The following PTPRT variants were observed in gnomAD, a reference collection of about 807,000 sequenced individuals.
PTPRT encodes protein tyrosine phosphatase receptor type T, also known as receptor-type tyrosine-protein phosphatase T.
PTPRT carries 56 observed loss-of-function variants against 176.8 expected under a neutral mutation model. That is an observed-to-expected ratio of 0.32 (90% confidence interval 0.26 to 0.40). The LOEUF is 0.40. Among genes scored for constraint, PTPRT ranks in the 10% least tolerant of loss-of-function variants. The pLI, the probability that PTPRT is intolerant of heterozygous loss-of-function variation, is 1.00. For missense variants in PTPRT, 1,540 were observed against 1,908.2 expected, an observed-to-expected ratio of 0.81 and a Z score of 3.60; for synonymous variants, 783 against 739.0, an observed-to-expected ratio of 1.06 and a Z score of -0.96.
chr20:43,071,678 G>A (rs369515678), intron 1 of PTPRT, among the ~76,000 whole-genome samples: 2 of 144,374 alleles, frequency 1.4e-5, no homozygotes, highest in Non-Finnish European at 2.9e-5. Flanking sequence ...CCAGCTACTC[G>A]GGAGGCTGAG....
chr20:42,846,622 A>G (rs899846288), intron 2 of PTPRT, among the ~76,000 whole-genome samples: 1 of 152,194 alleles, frequency 6.6e-6, no homozygotes, highest in African/African-American at 2.4e-5. Context: ...CATAGGGGAT[A>G]AAGTTTTAAT....
intron 16 of PTPRT, among the ~76,000 whole-genome samples, chr20:42,179,546 T>G (rs1990430059): frequency 6.6e-6 from 1 of 152,178 alleles, no homozygotes; most frequent in African/African-American, 2.4e-5. Flanking sequence ...AAACGCTAAT[T>G]AAGTGATAAT....
intron 26 of PTPRT, among the ~76,000 whole-genome samples, chr20:42,099,110 G>C (rs1484624718): frequency 6.6e-6 from 1 of 152,216 alleles, no homozygotes; most frequent in African/African-American, 2.4e-5. Flanking sequence ...GTAGACCTGG[G>C]GTTCAAGTAC....
At chr20:42,580,387 GC>G (rs1357108893) in intron 7 of PTPRT, among the ~76,000 whole-genome samples, 21 of 152,134 alleles carry the variant, frequency 1.4e-4, no homozygotes, top group African/African-American at 5.1e-4. Flanking sequence ...GGTGATGCGG[GC>G]TCTTTTTTGG....
At chr20:42,648,987 T>G (rs2145962331) in intron 7 of PTPRT, among the ~76,000 whole-genome samples, 1 of 151,922 alleles carries the variant, frequency 6.6e-6, no homozygotes, top group East Asian at 1.9e-4. Flanking sequence ...CCTGGCTAAT[T>G]TTTTCTATTT....
chr20:42,211,930 A>G (rs1048302356), intron 15 of PTPRT, among the ~76,000 whole-genome samples: 3 of 151,072 alleles, frequency 2.0e-5, no homozygotes, highest in African/African-American at 7.3e-5. Context: ...GGATTAAGAA[A>G]ATGTGGCCCA....
At chr20:43,147,074 A>G (rs1187394013) in intron 1 of PTPRT, among the ~76,000 whole-genome samples, 1 of 152,014 alleles carries the variant, frequency 6.6e-6, no homozygotes, top group South Asian at 2.1e-4. Flanking sequence ...TAGAGCTGGG[A>G]CCTCAGCCAA....
chr20:42,602,132 A>T (rs1394177227), intron 7 of PTPRT, among the ~76,000 whole-genome samples: 8 of 152,194 alleles, frequency 5.3e-5, no homozygotes, highest in African/African-American at 1.9e-4. Context: ...CATTTTTGGT[A>T]CAGAAATGTA....
intron 11 of PTPRT, among the ~76,000 whole-genome samples, chr20:42,349,320 AGCAT>A (rs2058242503): frequency 6.6e-6 from 1 of 152,182 alleles, no homozygotes; most frequent in African/African-American, 2.4e-5. Context: ...TCCCTGTTAT[AGCAT>A]GCTGTCTCTC....
At chr20:42,469,721 A>T (rs2071161398) in intron 8 of PTPRT, among the ~76,000 whole-genome samples, 1 of 150,428 alleles carries the variant, frequency 6.6e-6, no homozygotes, top group African/African-American at 2.4e-5. Context: ...CCCAAAGACC[A>T]GTGTGTGGGG....
chr20:42,963,872 G>GA (rs1442247220), intron 1 of PTPRT, among the ~76,000 whole-genome samples: 10 of 152,288 alleles, frequency 6.6e-5, no homozygotes, highest in Admixed American at 5.9e-4. Context: ...GAATATAATA[G>GA]AAAACCTAAT....
chr20:42,628,411 A>C (rs2074337405), intron 7 of PTPRT, among the ~76,000 whole-genome samples: 1 of 152,148 alleles, frequency 6.6e-6, no homozygotes, highest in South Asian at 2.1e-4. Flanking sequence ...CATTCAGTCC[A>C]TTATCCCTAT....
At chr20:42,107,681 G>A (rs910334295) in intron 23 of PTPRT, among the ~76,000 whole-genome samples, 10 of 152,224 alleles carry the variant, frequency 6.6e-5, no homozygotes, top group African/African-American at 2.2e-4. Context: ...AGTTTTGGAT[G>A]GGAAGGCCGG....
At chr20:42,099,565 G>GGGGGGC (rs1985714245) in intron 26 of PTPRT, among the ~76,000 whole-genome samples, 1 of 49,830 alleles carries the variant, frequency 2.0e-5, no homozygotes, top group African/African-American at 6.5e-5. Context: ...GGGGGGTGGG[G>GGGGGGC]TGGTCTGGCA....
the PTPRT span, among the ~76,000 whole-genome samples, chr20:42,054,672 T>C: frequency 6.6e-6 from 1 of 152,176 alleles, no homozygotes; most frequent in South Asian, 2.1e-4. Context: ...CTTCCCTACC[T>C]TCCATTCCAG....
intron 17 of PTPRT, among the ~76,000 whole-genome samples, chr20:42,154,393 G>T (rs765874482): frequency 6.6e-6 from 1 of 152,156 alleles, no homozygotes; most frequent in Non-Finnish European, 1.5e-5. Context: ...CTGCCTGCCT[G>T]CCATCACCCC....
chr20:42,292,772 C>T (rs568219468), intron 12 of PTPRT, among the ~76,000 whole-genome samples: 11 of 152,234 alleles, frequency 7.2e-5, no homozygotes, highest in Admixed American at 2.0e-4. Context: ...TTTGACTTGA[C>T]GCAGGACCTT....
intron 1 of PTPRT, among the ~76,000 whole-genome samples, chr20:43,001,586 A>T (rs1256782690): frequency 1.3e-5 from 2 of 152,132 alleles, no homozygotes; most frequent in Non-Finnish European, 2.9e-5. Context: ...AAACCAATAA[A>T]AACAAGTATA....
intron 1 of PTPRT, among the ~76,000 whole-genome samples, chr20:43,169,892 C>T (rs1254156986): frequency 1.3e-5 from 2 of 152,154 alleles, no homozygotes; most frequent in Non-Finnish European, 2.9e-5. Context: ...GGGCTCTCCT[C>T]TGGAGGAAAA....
Sources: gnomAD v4.1 joint callset for allele counts (sites outside exome capture counted in the v4.1 genomes callset) on GRCh38, gnomAD v4.1.1 for gene constraint, MANE v1.5 for transcripts, NCBI Gene and HGNC (gene_info 2026-07-23, HGNC 2026-07-21) for gene names.